The following RBFOX1 variants were observed in gnomAD, a reference collection of about 807,000 sequenced individuals.
RBFOX1 encodes RNA binding protein fox-1 homolog 1.
RBFOX1 carries 8 observed loss-of-function variants against 57.7 expected under a neutral mutation model. The ratio of observed to expected loss-of-function variants is 0.14; its 90% CI spans 0.08 to 0.25. The LOEUF is 0.25. RBFOX1 is among the 10% of genes least tolerant of loss of function. RBFOX1 has a pLI of 1.00. For missense variants in RBFOX1, 611 were observed against 548.5 expected (o/e 1.11, Z -1.14); for synonymous variants, 326 against 222.4 (o/e 1.47, Z -4.15).
chr16:6,329,259 C>T (rs1406769359), intron 2 of RBFOX1, among the ~76,000 whole-genome samples: 2 of 152,136 alleles, frequency 1.3e-5, no homozygotes, highest in African/African-American at 2.4e-5. Context: ...AGGCTGTGTA[C>T]TAAGAAGTTT....
chr16:7,336,376 C>G (rs2096787917), intron 4 of RBFOX1, among the ~76,000 whole-genome samples: 1 of 152,214 alleles, frequency 6.6e-6, no homozygotes. Flanking sequence ...ATGGCCAAGT[C>G]ACTTTCACTA....
intron 3 of RBFOX1, among the ~76,000 whole-genome samples, chr16:5,825,421 G>T (rs1400048968): frequency 6.6e-6 from 1 of 152,170 alleles, no homozygotes; most frequent in Non-Finnish European, 1.5e-5. Flanking sequence ...AGCACCAGGA[G>T]TCACCTACTA....
rs118009904 is a variant in RBFOX1, at chr16:6,791,486, C to T, written c.-16+136836C>T. 6.0e-4 allele frequency among the ~76,000 whole-genome samples: 92 copies of T among 152,294 alleles called. 1 individual carries two copies. The East Asian group carries it at 0.016, about 27-fold the overall frequency. On this transcript the variant is annotated intron_variant, in intron 3 of 15. Transcript: ENST00000550418. ...CGAAAGTAGAGCATCACGCCAGTCA[C>T]ATTGGCTCACACCTGTAATCCCAGC...
chr16:6,018,962 C>T (rs1368449682), upstream of RBFOX1: 3 of 456,830 alleles, frequency 6.6e-6, no homozygotes, highest in Non-Finnish European at 8.6e-6. Flanking sequence ...GGGCTGCACG[C>T]GTGACCGCGG....
chr16:6,770,140 T>A (rs1050408835), intron 3 of RBFOX1, among the ~76,000 whole-genome samples: 1 of 152,228 alleles, frequency 6.6e-6, no homozygotes, highest in Non-Finnish European at 1.5e-5. Flanking sequence ...GGCAGCTTAG[T>A]ATACCCTTTC....
In RBFOX1 at chr16:6,391,798, A is replaced by G. The variant is rs184888930; in HGVS notation, c.-64+74741A>G. Among the ~76,000 whole-genome samples, 34 of 152,306 alleles carry G rather than the reference A, an allele frequency of 2.2e-4. 1 individual carries two copies. Among genetic ancestry groups the G allele is most frequent in the African/African-American group, 6.3e-4 (26 of 41,578 alleles). ...CAATTCTTAGATTTTTAAATAACAA[A>G]TAGGATACCCCTCCCATCCTCGAAG... On this transcript the variant is annotated intron_variant, in intron 2 of 15. Coordinates refer to ENST00000550418, the MANE Select transcript of RBFOX1 (RefSeq NM_018723.4).
chr16:5,389,158 T>C (rs1225727766), intron 1 of RBFOX1, among the ~76,000 whole-genome samples: 4 of 151,392 alleles, frequency 2.6e-5, no homozygotes, highest in Non-Finnish European at 5.9e-5. Context: ...GCCACTGCAC[T>C]CCAGCCTGGG....
intron 4 of RBFOX1, among the ~76,000 whole-genome samples, chr16:7,198,647 G>C (rs557347343): frequency 6.6e-6 from 1 of 152,142 alleles, no homozygotes; most frequent in African/African-American, 2.4e-5. Context: ...ATCACATGGT[G>C]GAAGGGCAAG....
At chr16:6,793,331 G>C (rs1272700030) in intron 3 of RBFOX1, among the ~76,000 whole-genome samples, 3 of 152,148 alleles carry the variant, frequency 2.0e-5, no homozygotes, top group African/African-American at 7.2e-5. Flanking sequence ...TGGAGAAGTT[G>C]AGTTTTTTTT....
intron 3 of RBFOX1, among the ~76,000 whole-genome samples, chr16:6,804,635 A>G (rs2086289603): frequency 6.6e-6 from 1 of 152,224 alleles, no homozygotes; most frequent in Admixed American, 6.5e-5. Context: ...TTAGGATGTC[A>G]GTAATGAGAA....
chr16:5,581,809 A>C (rs905197576), intron 2 of RBFOX1, among the ~76,000 whole-genome samples: 2 of 152,164 alleles, frequency 1.3e-5, no homozygotes, highest in African/African-American at 4.8e-5. Flanking sequence ...GGCAGACCAT[A>C]TGCAAGGTGG....
At chr16:6,107,390 C>A (rs548834790) in intron 1 of RBFOX1, among the ~76,000 whole-genome samples, 3 of 152,096 alleles carry the variant, frequency 2.0e-5, no homozygotes, top group Non-Finnish European at 2.9e-5. Flanking sequence ...TATCCACATG[C>A]TCAGGGTACA....
chr16:6,856,435 G>C (rs1241418008), intron 3 of RBFOX1, among the ~76,000 whole-genome samples: 1 of 152,092 alleles, frequency 6.6e-6, no homozygotes, highest in Non-Finnish European at 1.5e-5. Context: ...TCCCACTCAG[G>C]AGACAGCAGG....
chr16:6,678,469 G>C (rs937998440), intron 3 of RBFOX1, among the ~76,000 whole-genome samples: 1 of 151,638 alleles, frequency 6.6e-6, no homozygotes, highest in Non-Finnish European at 1.5e-5. Flanking sequence ...GTGTATCTGT[G>C]TGCGTGTATG....
intron 4 of RBFOX1, among the ~76,000 whole-genome samples, chr16:7,437,150 C>A (rs1432850385): frequency 6.6e-6 from 1 of 151,924 alleles, no homozygotes; most frequent in Non-Finnish European, 1.5e-5. Context: ...GCCATAGGAT[C>A]GTTTAATCTG....
chr16:6,558,232 G>T (rs1429240541), intron 2 of RBFOX1, among the ~76,000 whole-genome samples: 1 of 152,116 alleles, frequency 6.6e-6, no homozygotes, highest in African/African-American at 2.4e-5. Context: ...ATGACTCTAT[G>T]TGGCTCGTCC....
intron 2 of RBFOX1, among the ~76,000 whole-genome samples, chr16:5,553,623 A>G (rs1284104045): frequency 6.6e-6 from 1 of 150,440 alleles, no homozygotes; most frequent in Non-Finnish European, 1.5e-5. Context: ...CCATGTCTGA[A>G]TATTTTAAAA....
chr16:7,240,803 G>A (rs968118760), intron 4 of RBFOX1, among the ~76,000 whole-genome samples: 1 of 152,134 alleles, frequency 6.6e-6, no homozygotes, highest in Non-Finnish European at 1.5e-5. Flanking sequence ...CTCCTGGACT[G>A]AAGCGATCCA....
intron 3 of RBFOX1, among the ~76,000 whole-genome samples, chr16:6,955,260 AG>A (rs201481538): frequency 2.0e-5 from 3 of 149,958 alleles, no homozygotes; most frequent in African/African-American, 7.4e-5. Context: ...AAAGAAAAAA[AG>A]AAATTTAATC....
Sources: gnomAD v4.1 joint callset for allele counts (sites outside exome capture counted in the v4.1 genomes callset) on GRCh38, gnomAD v4.1.1 for gene constraint, MANE v1.5 for transcripts, NCBI Gene and HGNC (gene_info 2026-07-23, HGNC 2026-07-21) for gene names.